CCDC30: variants seen among roughly 807,000 people sequenced by gnomAD.
CCDC30 encodes the protein coiled-coil domain containing 30.
CCDC30 carries 70 observed loss-of-function variants against 100.2 expected under a neutral mutation model. That is an observed-to-expected ratio of 0.70 (90% CI 0.58 to 0.85). The LOEUF (loss-of-function observed/expected upper bound fraction) is 0.85, where lower values mean the gene tolerates loss of function less well. CCDC30 is among the 40% of genes least tolerant of loss of function. The pLI is 0.00. For missense variants in CCDC30, 652 were observed against 771.2 expected, an observed-to-expected ratio of 0.85 and a Z score of 1.83; for synonymous variants, 233 against 269.5, an observed-to-expected ratio of 0.86 and a Z score of 1.33.
chr1:42,638,544 A>G (rs1022872890), intron 12 of CCDC30, among the ~76,000 whole-genome samples: 3 of 146,368 alleles, frequency 2.0e-5, no homozygotes, highest in Non-Finnish European at 4.5e-5. Context: ...AATCCATTTT[A>G]ATAGCACCCA....
chr1:42,604,537 A>C (rs1646467393), intron 10 of CCDC30, among the ~76,000 whole-genome samples: 1 of 152,224 alleles, frequency 6.6e-6, no homozygotes, highest in Admixed American at 6.5e-5. Flanking sequence ...GACGTGTCCT[A>C]AGATACACTG....
In CCDC30 at chr1:42,466,644, C is replaced by T. The variant is rs549602035; in HGVS notation, c.-92+2746C>T. Among the ~76,000 whole-genome samples, 20 of 151,326 alleles carry T rather than the reference C, an allele frequency of 1.3e-4. No homozygotes were observed. The East Asian group carries it at 2.3e-3, about 18-fold the overall frequency. ...TCGGCTCACTGCAGCCTCTGCCTCC[C>T]GGGTTCCAGCGATTCTCCTGCCTCA... On this transcript the variant is annotated intron_variant, in intron 1 of 16. Coordinates refer to ENST00000668663, the Ensembl canonical transcript of CCDC30.
chr1:42,521,206 C>T (rs1644640122), intron 6 of CCDC30: 1 of 152,542 alleles, frequency 6.6e-6, no homozygotes. Context: ...GTCTCAATCT[C>T]CTGACCTCAT....
In CCDC30 at chr1:42,511,673, G is replaced by A. The variant is rs1198583022; in HGVS notation, c.456+12757G>A. On this transcript the variant is annotated intron_variant, in intron 6 of 16. Coordinates refer to ENST00000668663, the Ensembl canonical transcript of CCDC30. ...TTCCCATTTACAGAAGGGGCATAGA[G>A]CCTGATTTTTAGTATATTGGTGCAA... 3.3e-5 allele frequency among the ~76,000 whole-genome samples: 5 copies of A among 152,210 alleles called. No homozygotes were observed. In the East Asian group the frequency reaches 9.7e-4, roughly 29 times the overall value.
chr1:42,481,261 T>C (rs971248790), intron 2 of CCDC30, among the ~76,000 whole-genome samples: 1 of 152,062 alleles, frequency 6.6e-6, no homozygotes, highest in African/African-American at 2.4e-5. Flanking sequence ...AAACAATCTA[T>C]GTTATGTCCT....
intron 11 of CCDC30, among the ~76,000 whole-genome samples, chr1:42,611,993 C>G (rs2148643506): frequency 6.6e-6 from 1 of 152,226 alleles, no homozygotes; most frequent in Non-Finnish European, 1.5e-5. Flanking sequence ...TGGCACACCT[C>G]TCAGTGTAAA....
Position 42,466,756 on chromosome 1 carries a change from TG to T in CCDC30, c.-92+2860del, listed in dbSNP as rs1569665741. 2.6e-5 allele frequency among the ~76,000 whole-genome samples: 4 copies of T among 152,224 alleles called. No homozygotes were observed. The South Asian group carries it at 6.2e-4, about 24-fold the overall frequency. On this transcript the variant is annotated intron_variant, in intron 1 of 16. Transcript: ENST00000668663. ...TAGTAGAGATGAGGTTTCCCCATGT[TG>T]GCCAGGCCAGTCTTGAACTCCTGAC...
chr1:42,465,302 C>T (rs1643536355), intron 1 of CCDC30, among the ~76,000 whole-genome samples: 2 of 152,066 alleles, frequency 1.3e-5, no homozygotes, highest in Non-Finnish European at 2.9e-5. Flanking sequence ...CAGAGTGAGA[C>T]CCTGTCTCAA....
chr1:42,628,806 T>C (rs186885948), intron 11 of CCDC30, among the ~76,000 whole-genome samples: 2 of 152,210 alleles, frequency 1.3e-5, no homozygotes, highest in African/African-American at 4.8e-5. Flanking sequence ...GTTTTGAGTA[T>C]GTATTTATCA....
At chr1:42,648,846 T>C (rs1352071257) in intron 15 of CCDC30, among the ~76,000 whole-genome samples, 1 of 148,430 alleles carries the variant, frequency 6.7e-6, no homozygotes, top group Admixed American at 6.7e-5. Context: ...AATAAATAAA[T>C]CAGAAATGAA....
intron 10 of CCDC30, among the ~76,000 whole-genome samples, chr1:42,605,022 T>C (rs562471708): frequency 6.6e-6 from 1 of 152,364 alleles, no homozygotes; most frequent in Non-Finnish European, 1.5e-5. Flanking sequence ...CTACAGTCAT[T>C]GTCATCAACT....
chr1:42,531,477 T>G (rs1287036936), intron 6 of CCDC30, among the ~76,000 whole-genome samples: 2 of 152,210 alleles, frequency 1.3e-5, no homozygotes, highest in Non-Finnish European at 1.5e-5. Flanking sequence ...ACATTATTTT[T>G]GGGCTGGGCA....
chr1:42,535,929 G>A (rs1308086473), intron 6 of CCDC30, among the ~76,000 whole-genome samples: 1 of 149,968 alleles, frequency 6.7e-6, no homozygotes, highest in African/African-American at 2.5e-5. Flanking sequence ...ATTTAAGTTA[G>A]ACTTGACTTA....
At chr1:42,527,926 C>T (rs1394557386) in intron 6 of CCDC30, among the ~76,000 whole-genome samples, 2 of 151,678 alleles carry the variant, frequency 1.3e-5, no homozygotes, top group Non-Finnish European at 1.5e-5. Flanking sequence ...AGTGCAATGG[C>T]GCGATACCGA....
chr1:42,561,777 G>A (rs1302074829), intron 6 of CCDC30, among the ~76,000 whole-genome samples: 1 of 152,122 alleles, frequency 6.6e-6, no homozygotes, highest in African/African-American at 2.4e-5. Context: ...AAATCAATGT[G>A]CAAAAACCAC....
intron 6 of CCDC30, among the ~76,000 whole-genome samples, chr1:42,511,452 T>C (rs1215912283): frequency 6.6e-6 from 1 of 152,206 alleles, no homozygotes; most frequent in Non-Finnish European, 1.5e-5. Context: ...CCTTAGAGAA[T>C]GGTTCCAGTT....
chr1:42,560,370 G>A (rs1645461710), intron 6 of CCDC30, among the ~76,000 whole-genome samples: 1 of 151,874 alleles, frequency 6.6e-6, no homozygotes, highest in Non-Finnish European at 1.5e-5. Flanking sequence ...TATTGTTGTT[G>A]TTGTTGTTTT....
In CCDC30 at chr1:42,644,819, G is replaced by C; in HGVS notation, c.1671+12G>C. The stretch of plus-strand genomic sequence containing the variant: ...TTCGCAGAGGAGAGGTAAGATGTGT[G>C]CTTCCTATTGGGCCTGCCTTTAATG... On this transcript the variant is annotated intron_variant, in intron 14 of 16. Transcript: ENST00000668663. 4 of 1,521,322 alleles carry C rather than the reference G, an allele frequency of 2.6e-6. No individual in the cohort carries two copies. Among genetic ancestry groups the C allele is most frequent in the Admixed American group, 1.7e-5 (1 of 59,884 alleles). The allele number at this position is 1,521,322 out of a possible 1,614,324, so 94.2% of individuals were successfully genotyped here.
At chr1:42,461,314 T>C (rs1412297665), upstream of CCDC30, among the ~76,000 whole-genome samples, 1 of 152,196 alleles carries the variant, frequency 6.6e-6, no homozygotes, top group Non-Finnish European at 1.5e-5. Flanking sequence ...TCAAGACTGT[T>C]CTGGAAGCAG....
Sources: allele counts gnomAD v4.1 joint callset (sites outside exome capture counted in the v4.1 genomes callset), GRCh38; gene constraint gnomAD v4.1.1; transcripts MANE v1.5; gene names NCBI Gene and HGNC (gene_info 2026-07-23, HGNC 2026-07-21).